The following AKAP19 variants were observed in gnomAD, a reference collection of about 807,000 sequenced individuals.
AKAP19 encodes A-kinase anchoring protein 19.
At chr2:190,068,868 C>T in the AKAP19 span, among the ~76,000 whole-genome samples, 5 of 152,130 alleles carry the variant, frequency 3.3e-5, no homozygotes, top group African/African-American at 1.2e-4. Flanking sequence ...CTTGACACTG[C>T]AGTAGTTCTC....
chr2:190,099,090 T>C, the AKAP19 span, among the ~76,000 whole-genome samples: 1 of 152,232 alleles, frequency 6.6e-6, no homozygotes, highest in Non-Finnish European at 1.5e-5. Context: ...AAGGCTGTTT[T>C]GCTTTTTTGT....
the AKAP19 span, among the ~76,000 whole-genome samples, chr2:190,140,836 C>G: frequency 6.6e-6 from 1 of 152,182 alleles, no homozygotes; most frequent in Non-Finnish European, 1.5e-5. Context: ...TAAATTTCTG[C>G]CCAGAAAATG....
chr2:190,196,536 TC>T, the AKAP19 span, among the ~76,000 whole-genome samples: 3 of 151,438 alleles, frequency 2.0e-5, no homozygotes, highest in East Asian at 1.9e-4. Context: ...TTTTTTTTTT[TC>T]CCTTGATTAT....
the AKAP19 span, among the ~76,000 whole-genome samples, chr2:190,123,593 T>C: frequency 1.3e-5 from 2 of 152,228 alleles, no homozygotes; most frequent in African/African-American, 4.8e-5. Context: ...TATATGCTTC[T>C]AAGTTTTGAA....
the AKAP19 span, among the ~76,000 whole-genome samples, chr2:189,962,514 A>G: frequency 6.6e-6 from 1 of 152,234 alleles, no homozygotes; most frequent in East Asian, 1.9e-4. Context: ...AAAAAACAAG[A>G]ACTATTACTA....
At chr2:190,131,907 C>T in the AKAP19 span, among the ~76,000 whole-genome samples, 1,229 of 152,112 alleles carry the variant, frequency 8.1e-3, 18 homozygotes, top group African/African-American at 0.028. Context: ...TATATCACAG[C>T]AGTCTCATAT....
the AKAP19 span, among the ~76,000 whole-genome samples, chr2:190,175,006 G>GATTACATAGATTACATA: frequency 6.6e-6 from 1 of 151,802 alleles, no homozygotes; most frequent in Non-Finnish European, 1.5e-5. Flanking sequence ...TAGATTACAT[G>GATTACATAGATTACATA]GAGTACATAG....
At chr2:189,887,484 T>C in the AKAP19 span, among the ~76,000 whole-genome samples, 1 of 152,198 alleles carries the variant, frequency 6.6e-6, no homozygotes, top group Non-Finnish European at 1.5e-5. Context: ...ATCCTTTGGG[T>C]GTATACCCAA....
the AKAP19 span, among the ~76,000 whole-genome samples, chr2:190,144,552 G>A: frequency 1.3e-5 from 2 of 151,942 alleles, no homozygotes; most frequent in East Asian, 1.9e-4. Context: ...ATAGTTTAAC[G>A]TTTGTATTCA....
the AKAP19 span, among the ~76,000 whole-genome samples, chr2:189,900,995 C>T: frequency 2.0e-5 from 3 of 152,110 alleles, no homozygotes; most frequent in South Asian, 2.1e-4. Context: ...AGCTGCAGGA[C>T]GATTGTGAGT....
At chr2:190,093,981 G>A in the AKAP19 span, among the ~76,000 whole-genome samples, 6 of 152,192 alleles carry the variant, frequency 3.9e-5, no homozygotes, top group Non-Finnish European at 5.9e-5. Flanking sequence ...AGCACATGGT[G>A]CTGTTACGAA....
the AKAP19 span, among the ~76,000 whole-genome samples, chr2:190,110,134 A>G: frequency 6.6e-6 from 1 of 151,414 alleles, no homozygotes; most frequent in African/African-American, 2.4e-5. Flanking sequence ...AGAGAAAATC[A>G]CGACAAAATG....
chr2:189,884,414 A>G, the AKAP19 span, among the ~76,000 whole-genome samples: 3 of 152,150 alleles, frequency 2.0e-5, no homozygotes, highest in Non-Finnish European at 4.4e-5. Flanking sequence ...CTCGTTATCT[A>G]TTTTGAAGTT....
the AKAP19 span, among the ~76,000 whole-genome samples, chr2:190,161,657 C>G: frequency 2.0e-5 from 3 of 152,278 alleles, no homozygotes; most frequent in East Asian, 5.8e-4. Flanking sequence ...ATTGATCCCC[C>G]TGTTACAGAC....
At chr2:190,015,652 T>A in the AKAP19 span, among the ~76,000 whole-genome samples, 1 of 152,214 alleles carries the variant, frequency 6.6e-6, no homozygotes, top group Non-Finnish European at 1.5e-5. Context: ...GAAAATGGGT[T>A]TTTCTTTTCT....
the AKAP19 span, among the ~76,000 whole-genome samples, chr2:189,919,456 C>G: frequency 6.6e-6 from 1 of 151,420 alleles, no homozygotes; most frequent in Non-Finnish European, 1.5e-5. Context: ...GATACATGTG[C>G]AGAACGTGCA....
chr2:190,005,816 T>C, the AKAP19 span, among the ~76,000 whole-genome samples: 1 of 152,202 alleles, frequency 6.6e-6, no homozygotes, highest in African/African-American at 2.4e-5. Flanking sequence ...TATTAAAATA[T>C]TTTTCAGTGT....
chr2:190,065,363 A>G, the AKAP19 span, among the ~76,000 whole-genome samples: 364 of 152,290 alleles, frequency 2.4e-3, 2 homozygotes, highest in African/African-American at 8.3e-3. Flanking sequence ...ATTTCTGAAG[A>G]TGAATGGTGG....
chr2:190,017,675 T>A, the AKAP19 span, among the ~76,000 whole-genome samples: 1 of 152,218 alleles, frequency 6.6e-6, no homozygotes, highest in East Asian at 1.9e-4. Flanking sequence ...ATACTAGAGA[T>A]GAAATTGCTT....
Sources: allele counts gnomAD v4.1 joint callset (sites outside exome capture counted in the v4.1 genomes callset), GRCh38; gene constraint gnomAD v4.1.1; transcripts MANE v1.5; gene names NCBI Gene and HGNC (gene_info 2026-07-23, HGNC 2026-07-21).